PARP1: variants seen among roughly 807,000 people sequenced by gnomAD.
PARP1 encodes poly(ADP-ribose) polymerase 1, also known as poly [ADP-ribose] polymerase 1.
Under a neutral mutation model 118.7 loss-of-function variants are expected in PARP1, and 44 were observed. The ratio of observed to expected loss-of-function variants is 0.37; its 90% confidence interval spans 0.29 to 0.48. The LOEUF (loss-of-function observed/expected upper bound fraction) is 0.48. Ranked by LOEUF, PARP1 falls within the 20% of genes least tolerant of loss-of-function variation. The probability of loss-of-function intolerance (pLI) is 0.99; values close to 1 mark genes in which losing one functional copy is unlikely to be tolerated. For synonymous variants in PARP1, 492 were observed against 483.2 expected (o/e 1.02, Z -0.24); for missense variants, 1,100 against 1,272.4 (o/e 0.86, Z 2.06).
chr1:226,394,795 A>C (rs1664885377), intron 2 of PARP1, among the ~76,000 whole-genome samples: 1 of 152,168 alleles, frequency 6.6e-6, no homozygotes, highest in Non-Finnish European at 1.5e-5. Context: ...AAAAAAAGAC[A>C]GACTGGATTT....
chr1:226,383,980 C>T (rs1456828424), intron 7 of PARP1, among the ~76,000 whole-genome samples: 1 of 152,228 alleles, frequency 6.6e-6, no homozygotes, highest in African/African-American at 2.4e-5. Flanking sequence ...ACAGTTTCTG[C>T]TCTTCAGAAA....
chr1:226,364,998 A>G lies in PARP1; in HGVS notation c.2658+4T>C, dbSNP rs765939130. 2 of 1,613,672 alleles carry G rather than the reference A, an allele frequency of 1.2e-6. No individual in the cohort carries two copies. Among genetic ancestry groups the G allele is most frequent in the South Asian group, 1.1e-5 (1 of 91,058 alleles). Reference sequence around the variant, plus strand: ...GCCCACCCCTCGCCAGGCCAGGCACATACCACGGGCGCTTCAGGCGGGGCT... The same window carrying G: ...GCCCACCCCTCGCCAGGCCAGGCACGTACCACGGGCGCTTCAGGCGGGGCT... On this transcript the variant is annotated splice_donor_region_variant and intron_variant, in intron 19 of 22. Coordinates refer to ENST00000366794, the MANE Select transcript of PARP1 (RefSeq NM_001618.4).
chr1:226,364,128 G>A (rs1407882539), intron 19 of PARP1, 58 bp from the exon 20 acceptor site: 1 of 1,584,456 alleles, frequency 6.3e-7, no homozygotes, highest in Non-Finnish European at 8.7e-7. Context: ...AGGAGCAGCT[G>A]TTCACTGAGT....
At chr1:226,391,535 T>C (rs1664819651) in intron 3 of PARP1, among the ~76,000 whole-genome samples, 1 of 152,344 alleles carries the variant, frequency 6.6e-6, no homozygotes. Flanking sequence ...AGGATCTTAA[T>C]GTTTGCCTTA....
intron 20 of PARP1, 21 bp downstream of exon 20, chr1:226,363,922 C>G: frequency 1.9e-6 from 3 of 1,613,040 alleles, no homozygotes; most frequent in Non-Finnish European, 2.5e-6. Context: ...TGCCATCAGT[C>G]CCAGAGCCAG....
intron 15 of PARP1, 69 bp downstream of exon 15, chr1:226,370,365 C>T: frequency 9.1e-7 from 1 of 1,094,960 alleles, no homozygotes; most frequent in East Asian, 2.4e-5. Flanking sequence ...ACCCCTGCCA[C>T]CCCCAGGTCT....
intron 13 of PARP1, among the ~76,000 whole-genome samples, chr1:226,376,261 A>C (rs1274053059): frequency 6.6e-6 from 1 of 152,226 alleles, no homozygotes; most frequent in African/African-American, 2.4e-5. Context: ...AAAGTGATAA[A>C]TTTTCATTTT....
chr1:226,364,868 T>TA, intron 19 of PARP1, 134 bp downstream of exon 19: 1 of 999,816 alleles, frequency 1.0e-6, no homozygotes, highest in South Asian at 1.4e-5. Context: ...GTCAGGAGGA[T>TA]AAAAGGGTGA....
At chr1:226,407,728 G>GCCCCCCCACCC in intron 1 of PARP1, 82 bp downstream of exon 1, 6 of 1,289,822 alleles carry the variant, frequency 4.7e-6, no homozygotes, top group East Asian at 4.1e-5. Flanking sequence ...CGCTCCCTGG[G>GCCCCCCCACCC]CCCGCCCTCC....
rs3219094 is a variant in PARP1 at position 226,376,312 on chromosome 1, A to T, written c.1941+796T>A. On this transcript the variant is annotated intron_variant, in intron 13 of 22. Coordinates refer to ENST00000366794, the MANE Select transcript of PARP1 (RefSeq NM_001618.4). ...TTTGCAAAGAAAAAAGACAAAACAG[A>T]AAAGTTAAAAATGTCAACCAATAGA... is the stretch of plus-strand genomic sequence containing the variant. Among the ~76,000 whole-genome samples the T allele has an allele frequency of 4.6e-3, 696 of 152,376 alleles. 27 individuals carry two copies. In the South Asian group the frequency reaches 0.084, roughly 18 times the overall value.
In PARP1 at chr1:226,386,326, C is replaced by T. The variant is rs751824366; in HGVS notation, c.834G>A (p.Ala278=). 6 of 1,591,866 alleles carry T rather than the reference C, an allele frequency of 3.8e-6. No individual in the cohort carries two copies. In the East Asian group the frequency reaches 6.7e-5, roughly 18 times the overall value. The change falls in exon 6 of 23, where the codon GCG becomes GCA. Residue 278 remains alanine (A), a splice_region_variant and synonymous_variant. Transcript: ENST00000366794. ...NKQQVPSGES[A]ILDRVADGMV... ...CCCACTTAACACAAAGGCAGCTCACCGCCGACTCCCCAGAAGGCACTTGCT... is the reference window on the plus strand; with the variant it reads ...CCCACTTAACACAAAGGCAGCTCACTGCCGACTCCCCAGAAGGCACTTGCT...
At chr1:226,382,264 C>T (rs1204278372) in intron 8 of PARP1, among the ~76,000 whole-genome samples, 1 of 152,238 alleles carries the variant, frequency 6.6e-6, no homozygotes, top group East Asian at 1.9e-4. Context: ...ATACGTTGCT[C>T]TCACTGTCTT....
At position 226,377,112 on chromosome 1, in the gene PARP1, C is replaced by A; in HGVS notation, c.1937G>T (p.Gly646Val). ...KKFYPLEIDY[G>V]QDEEAVKKLT... ...GTAAGGGCATTATGTGGTTACCTGG[C>A]CATAGTCAATCTCCAGGGGGTAGAA... is the stretch of plus-strand genomic sequence containing the variant. Residue 646 changes from glycine (G) to valine (V), a missense_variant, in exon 13 of 23, where the codon GGC (glycine) becomes GTC (valine). Physicochemically the swap from Gly to Val is moderately radical, Grantham distance 109. Around this residue, in one of 2 missense-constraint regions of PARP1, gnomAD observed 948 missense variants for 1,031.8 expected, o/e 0.92. Coordinates refer to ENST00000366794, the MANE Select transcript of PARP1 (RefSeq NM_001618.4). The A allele has an allele frequency of 1.2e-6, 2 of 1,613,026 alleles. No individual in the cohort carries two copies. Among genetic ancestry groups the A allele is most frequent in the Non-Finnish European group, 1.7e-6 (2 of 1,179,424 alleles).
chr1:226,382,619 C>G (rs1315645051), intron 8 of PARP1, among the ~76,000 whole-genome samples: 1 of 152,186 alleles, frequency 6.6e-6, no homozygotes, highest in Non-Finnish European at 1.5e-5. Context: ...CTTGACCTCC[C>G]AGGCTCAAGG....
chr1:226,391,271 TTCTG>T (rs1664815586), intron 3 of PARP1, among the ~76,000 whole-genome samples: 1 of 152,010 alleles, frequency 6.6e-6, no homozygotes, highest in Non-Finnish European at 1.5e-5. Context: ...AGCAGGGACT[TTCTG>T]TCCACTCCCA....
At chr1:226,388,818 T>C in intron 4 of PARP1, 63 bp from the exon 5 acceptor site, 1 of 1,198,836 alleles carries the variant, frequency 8.3e-7, no homozygotes, top group Admixed American at 1.7e-5. Flanking sequence ...CCCAATGACT[T>C]GCGGTGATGC....
intron 10 of PARP1, 52 bp downstream of exon 10, chr1:226,379,870 C>T (rs759231048): frequency 3.7e-6 from 6 of 1,612,082 alleles, no homozygotes; most frequent in Non-Finnish European, 4.2e-6. Flanking sequence ...AACAACCTGG[C>T]CACCAATGTC....
chr1:226,390,382 C>A (rs1664800236), intron 4 of PARP1, 28 bp downstream of exon 4: 1 of 1,606,314 alleles, frequency 6.2e-7, no homozygotes, highest in South Asian at 1.1e-5. Context: ...ACTGAACCCC[C>A]AGGGCAACCC....
At position 226,360,950 on chromosome 1, in the gene PARP1, CA is replaced by C; in HGVS notation, c.*509del. On this transcript the variant is annotated 3_prime_UTR_variant, in exon 23 of 23. Coordinates refer to ENST00000366794, the MANE Select transcript of PARP1 (RefSeq NM_001618.4). ...CACACCCCTCACCACAAGAGGCAAA[CA>C]AAAAAAACTAAAAAGGGGACAATAA... 3.5e-5 allele frequency: 8 copies of C among 226,708 alleles called. No homozygotes were observed. The highest frequency in any genetic ancestry group is 7.0e-5 in the Non-Finnish European group (8 of 114,416). The allele number at this position is 226,708 out of a possible 1,614,324, so 14.0% of individuals were successfully genotyped here.
Sources: allele counts gnomAD v4.1 joint callset (sites outside exome capture counted in the v4.1 genomes callset), GRCh38; gene constraint gnomAD v4.1.1; regional missense constraint gnomAD v4.1.1; transcripts MANE v1.5; gene names NCBI Gene and HGNC (gene_info 2026-07-23, HGNC 2026-07-21).